Variants in PRKAG2 observed in about 807,000 individuals in gnomAD.
PRKAG2 encodes the protein 5'-AMP-activated protein kinase subunit gamma-2.
A neutral mutation model predicts 69.6 loss-of-function variants in PRKAG2; 26 were observed. That is an observed-to-expected ratio of 0.37 (90% CI 0.27 to 0.52). The LOEUF (loss-of-function observed/expected upper bound fraction) is 0.52. Among genes scored for constraint, PRKAG2 ranks in the 20% least tolerant of loss-of-function variants. The probability of loss-of-function intolerance (pLI) is 0.90; values close to 1 mark genes in which losing one functional copy is unlikely to be tolerated. For missense variants in PRKAG2, 557 were observed against 740.0 expected (o/e 0.75, Z 2.87); for synonymous variants, 293 against 285.0 (o/e 1.03, Z -0.28).
chr7:151,762,172 C>T (rs1469007535), intron 3 of PRKAG2, among the ~76,000 whole-genome samples: 3 of 152,090 alleles, frequency 2.0e-5, no homozygotes, highest in African/African-American at 2.4e-5. Flanking sequence ...ATGGACTTAG[C>T]GGGAGAAGGG....
chr7:151,833,584 C>G (rs562446274), intron 1 of PRKAG2, among the ~76,000 whole-genome samples: 1 of 152,300 alleles, frequency 6.6e-6, no homozygotes, highest in East Asian at 1.9e-4. Flanking sequence ...GCTCTTAAGC[C>G]GATGGACGCT....
chr7:151,810,073 A>G (rs968384138), intron 1 of PRKAG2: 3 of 152,132 alleles, frequency 2.0e-5, no homozygotes, highest in African/African-American at 7.2e-5. Flanking sequence ...AGTGAAGATA[A>G]TATTTTGTTT....
In PRKAG2 at chr7:151,701,176, C is replaced by T. The variant is rs551309325; in HGVS notation, c.467-25539G>A. On this transcript the variant is annotated intron_variant, in intron 3 of 15. Transcript: ENST00000287878. Reference sequence around the variant, plus strand: ...AGACCTGAGGCCTGCGTCACTGGGCCGGGGGAGGAGGAGGTCTGAACAGAA... The same window carrying T: ...AGACCTGAGGCCTGCGTCACTGGGCTGGGGGAGGAGGAGGTCTGAACAGAA... Among the ~76,000 whole-genome samples, 10 of 152,244 alleles carry T rather than the reference C, an allele frequency of 6.6e-5. No individual in the cohort carries two copies. In the South Asian group the frequency reaches 1.7e-3, roughly 25 times the overall value.
At chr7:151,676,782 T>A (rs1029451793) in intron 3 of PRKAG2, among the ~76,000 whole-genome samples, 1 of 151,978 alleles carries the variant, frequency 6.6e-6, no homozygotes, top group Non-Finnish European at 1.5e-5. Flanking sequence ...CAAGTCTAGA[T>A]GAGATTTTGC....
At chr7:151,741,738 G>A (rs1000353635) in intron 3 of PRKAG2, among the ~76,000 whole-genome samples, 1 of 151,968 alleles carries the variant, frequency 6.6e-6, no homozygotes, top group Non-Finnish European at 1.5e-5. Context: ...TGAAATTTGT[G>A]TGGAAAATAA....
At chr7:151,626,812 C>T (rs566642459) in intron 5 of PRKAG2, among the ~76,000 whole-genome samples, 9 of 144,668 alleles carry the variant, frequency 6.2e-5, no homozygotes, top group African/African-American at 2.6e-4. Flanking sequence ...TATACATTCT[C>T]CCCCAACTGT....
chr7:151,604,251 A>T (rs191175594), intron 5 of PRKAG2, among the ~76,000 whole-genome samples: 85 of 152,300 alleles, frequency 5.6e-4, no homozygotes, highest in Non-Finnish European at 8.8e-5. Context: ...CTGCATGCAC[A>T]CAGCCTCCAG....
intron 1 of PRKAG2, among the ~76,000 whole-genome samples, chr7:151,852,710 CA>C (rs1226811968): frequency 6.6e-6 from 1 of 152,000 alleles, no homozygotes; most frequent in Non-Finnish European, 1.5e-5. Context: ...TATAGGAACA[CA>C]ATGACCTGGA....
chr7:151,649,933 T>A (rs1186441752), intron 4 of PRKAG2, among the ~76,000 whole-genome samples: 1 of 152,176 alleles, frequency 6.6e-6, no homozygotes, highest in East Asian at 1.9e-4. Context: ...TTTAAAGGGA[T>A]ATGCAGGTAT....
chr7:151,684,931 C>G (rs1018491396), intron 3 of PRKAG2, among the ~76,000 whole-genome samples: 8 of 152,174 alleles, frequency 5.3e-5, no homozygotes. Flanking sequence ...AAAAGCTGGT[C>G]ACCCCCAAGA....
intron 1 of PRKAG2, among the ~76,000 whole-genome samples, chr7:151,797,653 C>A (rs2077623908): frequency 6.6e-6 from 1 of 152,220 alleles, no homozygotes; most frequent in South Asian, 2.1e-4. Context: ...CTTGTTTCAC[C>A]CACCTGCTCT....
In PRKAG2 at chr7:151,875,042, T is replaced by C. The variant is rs73728441; in HGVS notation, c.114+1465A>G. Among the ~76,000 whole-genome samples the C allele has an allele frequency of 9.1e-3, 1,392 of 152,356 alleles. 24 individuals carry two copies. Among genetic ancestry groups the C allele is most frequent in the African/African-American group, 0.031 (1,287 of 41,582 alleles). On this transcript the variant is annotated intron_variant, in intron 1 of 15. Coordinates refer to ENST00000287878, the MANE Select transcript of PRKAG2 (RefSeq NM_016203.4). ...CTCAAGTGATCACTGTTTAAGAGGT[T>C]TGTGGCAGCAACATCTAACTTTTAA...
At chr7:151,657,709 C>T (rs1452869191) in intron 4 of PRKAG2, among the ~76,000 whole-genome samples, 1 of 152,112 alleles carries the variant, frequency 6.6e-6, no homozygotes, top group African/African-American at 2.4e-5. Flanking sequence ...AATCCAAGCC[C>T]CTACCTTCAT....
intron 15 of PRKAG2, chr7:151,558,320 TACTG>T (rs1804216091): frequency 2.0e-6 from 2 of 985,354 alleles, no homozygotes; most frequent in Admixed American, 6.1e-5. Context: ...AACTGCCTCT[TACTG>T]ACTATTCCAT....
At chr7:151,622,382 G>A (rs1365299046) in intron 5 of PRKAG2, among the ~76,000 whole-genome samples, 2 of 152,182 alleles carry the variant, frequency 1.3e-5, no homozygotes, top group Non-Finnish European at 2.9e-5. Flanking sequence ...ACTATGGCGT[G>A]CCATTGTTTT....
rs10268563 is a variant in PRKAG2 at position 151,703,911 on chromosome 7, A to C, written c.467-28274T>G. Among the ~76,000 whole-genome samples, 842 of 103,672 alleles carry C rather than the reference A, an allele frequency of 8.1e-3. 13 individuals are homozygous for C. The highest frequency in any genetic ancestry group is 0.026 in the African/African-American group (649 of 24,576). 68.0% of individuals were successfully genotyped at this position (103,672 alleles called of 152,430 possible). On this transcript the variant is annotated intron_variant, in intron 3 of 15. Transcript: ENST00000287878. ...ACACACACACACACACACACACACAAATTAGCTAGGCATGGTGGCAGGTGC... is the reference window on the plus strand; with the variant it reads ...ACACACACACACACACACACACACACATTAGCTAGGCATGGTGGCAGGTGC...
Position 151,781,792 on chromosome 7 carries a change from T to C in PRKAG2, c.187-361A>G, listed in dbSNP as rs943255007. The stretch of plus-strand genomic sequence containing the variant: ...TGCCTTCACCTCTCAAGACCTCACG[T>C]CCATCCAAGTTCTGACCACACAGGA... On this transcript the variant is annotated intron_variant, in intron 2 of 15. Coordinates refer to ENST00000287878, the MANE Select transcript of PRKAG2 (RefSeq NM_016203.4). This position sits in a 1 kb window ranked among gnomAD's most constrained non-coding sequence, Gnocchi z 6.1. Among the ~76,000 whole-genome samples, 2 of 152,118 alleles carry C rather than the reference T, an allele frequency of 1.3e-5. No homozygotes were observed. The highest frequency in any genetic ancestry group is 2.9e-5 in the Non-Finnish European group (2 of 68,020).
rs897265907 is a variant in PRKAG2 at position 151,780,644 on chromosome 7, T to G, written c.466+508A>C. Among the ~76,000 whole-genome samples the G allele has an allele frequency of 2.0e-5, 3 of 152,126 alleles. No homozygotes were observed. The highest frequency in any genetic ancestry group is 4.4e-5 in the Non-Finnish European group (3 of 68,026). On this transcript the variant is annotated intron_variant, in intron 3 of 15. Coordinates refer to ENST00000287878, the MANE Select transcript of PRKAG2 (RefSeq NM_016203.4). This position sits in a 1 kb window ranked among gnomAD's most constrained non-coding sequence, Gnocchi z 4.2. ...TTTCCCCAGCAAATCCCTCCTAGCT[T>G]CCATTCCCTGCTGCCCAGAGCCCCA...
intron 5 of PRKAG2, among the ~76,000 whole-genome samples, chr7:151,628,480 C>T (rs972687707): frequency 1.3e-5 from 2 of 152,206 alleles, no homozygotes; most frequent in Admixed American, 6.5e-5. Context: ...AGGGAGACTG[C>T]AGCCGGCAGA....
Sources: allele counts gnomAD v4.1 joint callset (sites outside exome capture counted in the v4.1 genomes callset), GRCh38; gene constraint gnomAD v4.1.1; non-coding constraint Gnocchi (gnomAD v3.1); transcripts MANE v1.5; gene names NCBI Gene and HGNC (gene_info 2026-07-23, HGNC 2026-07-21).